DYTN: variants seen among roughly 807,000 people sequenced by gnomAD.
DYTN encodes dystrotelin.
In DYTN, 75 loss-of-function variants were observed where a neutral mutation model predicts 69.6. The ratio of observed to expected loss-of-function variants is 1.08; its 90% CI spans 0.89 to 1.31. The LOEUF is 1.31. DYTN is among the 50% of genes most tolerant of loss of function. The probability of loss-of-function intolerance (pLI) is 0.00; values close to 1 mark genes in which losing one functional copy is unlikely to be tolerated. For missense variants in DYTN, 726 were observed against 688.4 expected (o/e 1.05, Z -0.61); for synonymous variants, 252 against 249.1 (o/e 1.01, Z -0.11).
chr2:206,717,924 A>G (rs1424283352), intron 1 of DYTN, among the ~76,000 whole-genome samples: 2 of 147,258 alleles, frequency 1.4e-5, no homozygotes, highest in Non-Finnish European at 3.0e-5. Flanking sequence ...AATATATACG[A>G]TAATTTCATT....
chr2:206,712,498 A>AG (rs1047378577), intron 1 of DYTN, among the ~76,000 whole-genome samples: 9 of 152,338 alleles, frequency 5.9e-5, no homozygotes, highest in African/African-American at 2.2e-4. Flanking sequence ...AGAGAGCCAC[A>AG]GCTAGAACAA....
intron 9 of DYTN, among the ~76,000 whole-genome samples, chr2:206,680,030 C>T (rs752145139): frequency 1.4e-4 from 21 of 152,134 alleles, no homozygotes; most frequent in Non-Finnish European, 2.5e-4. Flanking sequence ...ATCAGAGTGC[C>T]AGCGTGGTCG....
At chr2:206,686,865 C>T (rs965399372) in intron 9 of DYTN, 1 of 152,332 alleles carries the variant, frequency 6.6e-6, no homozygotes, top group Non-Finnish European at 1.5e-5. Context: ...ATCTGGGGAG[C>T]AAGGCTCTCT....
intron 11 of DYTN, among the ~76,000 whole-genome samples, chr2:206,654,168 C>T (rs1185299290): frequency 1.3e-5 from 2 of 152,162 alleles, no homozygotes; most frequent in Non-Finnish European, 1.5e-5. Flanking sequence ...CCATTAATTA[C>T]TTCTGTGTAT....
At position 206,693,294 on chromosome 2, in the gene DYTN, GAGA is replaced by G; in HGVS notation, c.858_860del (p.Leu287del). 1.2e-6 allele frequency: 2 copies of G among 1,613,074 alleles called. No homozygotes were observed. The highest frequency in any genetic ancestry group is 1.7e-6 in the Non-Finnish European group (2 of 1,179,850). ...GAAGGTTGTTTCTGAGGGTCCTGAAGAGAAGTTTTGTATTCTGCATTGCTGACA... is the reference window on the plus strand; with the variant it reads ...GAAGGTTGTTTCTGAGGGTCCTGAAGAGTTTTGTATTCTGCATTGCTGACA... On this transcript the variant is annotated inframe_deletion, in exon 9 of 12. Transcript: ENST00000452335.
At chr2:206,668,495 A>G (rs13382730) in intron 9 of DYTN, among the ~76,000 whole-genome samples, 18,678 of 152,222 alleles carry the variant, frequency 0.12, 1,196 homozygotes, top group Non-Finnish European at 0.14. Flanking sequence ...ATAACAAACA[A>G]TTCAGGTTAT....
chr2:206,662,682 C>G (rs1304510800), intron 11 of DYTN, among the ~76,000 whole-genome samples: 1 of 151,234 alleles, frequency 6.6e-6, no homozygotes, highest in African/African-American at 2.4e-5. Context: ...AGGTTCTATA[C>G]TAAAGTCTTA....
At chr2:206,669,225 C>T (rs1699605663) in intron 9 of DYTN, among the ~76,000 whole-genome samples, 1 of 152,204 alleles carries the variant, frequency 6.6e-6, no homozygotes, top group African/African-American at 2.4e-5. Context: ...ACATATATCA[C>T]AGGTCTTTTT....
chr2:206,704,685 T>A (rs1379333220), intron 5 of DYTN, among the ~76,000 whole-genome samples, 158 bp downstream of exon 5: 1 of 152,214 alleles, frequency 6.6e-6, no homozygotes. Context: ...GAGTATAAGT[T>A]AAGTTATATT....
Position 206,651,650 on chromosome 2 carries a change from G to T in DYTN, c.*168C>A. ...TAACCCCCAACCTTCACTCTGAACT[G>T]CAGAACTAAGATACATAAGTAGGGA... On this transcript the variant is annotated 3_prime_UTR_variant, in exon 12 of 12. Coordinates refer to ENST00000452335, the MANE Select transcript of DYTN (RefSeq NM_001093730.1). 1.7e-6 allele frequency: 1 copy of T among 588,702 alleles called. No individual in the cohort carries two copies. Among genetic ancestry groups the T allele is most frequent in the South Asian group, 2.1e-5 (1 of 47,522 alleles). 36.5% of individuals were successfully genotyped at this position (588,702 alleles called of 1,614,324 possible).
chr2:206,705,123 T>G (rs1467673760), intron 4 of DYTN, 180 bp from the exon 5 acceptor site: 1 of 599,250 alleles, frequency 1.7e-6, no homozygotes, highest in Non-Finnish European at 2.9e-6. Flanking sequence ...TTAAATGAGG[T>G]TTTGTTCCTG....
Position 206,665,947 on chromosome 2 carries a change from C to G in DYTN, c.1063G>C (p.Glu355Gln). The G allele has an allele frequency of 6.2e-7, 1 of 1,613,878 alleles. No individual in the cohort carries two copies. Among genetic ancestry groups the G allele is most frequent in the Non-Finnish European group, 8.5e-7 (1 of 1,179,848 alleles). The change falls in exon 10 of 12, where the codon GAA becomes CAA. Residue 355 changes from glutamate (E) to glutamine (Q), a missense_variant. Physicochemically the swap from Glu to Gln is conservative, Grantham distance 29. Transcript: ENST00000452335. ...GTTTTGAGTTTGTGAATCCTTGTTTCAAATCGACAAATTCTTTCTTCCTGG... is the reference window on the plus strand; with the variant it reads ...GTTTTGAGTTTGTGAATCCTTGTTTGAAATCGACAAATTCTTTCTTCCTGG... ...TSQEERICRFETRIHKLKTNQ... is the reference protein window; with the variant it reads ...TSQEERICRFQTRIHKLKTNQ...
chr2:206,694,724 A>C, intron 8 of DYTN, 42 bp downstream of exon 8: 1 of 1,514,418 alleles, frequency 6.6e-7, no homozygotes, highest in South Asian at 1.3e-5. Flanking sequence ...GCTTATACTG[A>C]ATTGATTAAT....
At chr2:206,710,703 A>C (rs1700072172) in intron 1 of DYTN, 105 bp from the exon 2 acceptor site, 1 of 904,684 alleles carries the variant, frequency 1.1e-6, no homozygotes, top group Admixed American at 3.3e-5. Flanking sequence ...TTTATTTTGC[A>C]GGTGAGGAAA....
chr2:206,688,717 T>C (rs1699836580), intron 9 of DYTN, among the ~76,000 whole-genome samples: 1 of 152,220 alleles, frequency 6.6e-6, no homozygotes, highest in Non-Finnish European at 1.5e-5. Context: ...AGCAGGTACA[T>C]TCTTATGCTA....
chr2:206,707,462 G>A lies in DYTN; in HGVS notation c.136C>T (p.Arg46Cys), dbSNP rs144139666. 7.2e-4 allele frequency: 1,155 copies of A among 1,612,240 alleles called. 13 individuals are homozygous for A. In the African/African-American group the frequency reaches 0.013, roughly 18 times the overall value. The change falls in exon 3 of 12, where the codon CGT (arginine) becomes TGT (cysteine). Residue 46 changes from arginine (R) to cysteine (C), a missense_variant. By Grantham distance (180) the Arg-to-Cys change is radical. Coordinates refer to ENST00000452335, the MANE Select transcript of DYTN (RefSeq NM_001093730.1). ...TTGCGAGCTTCCCAGAAACTTGGAC[G>A]CAGTAGGACCTGCTGAATCAGGGAG... is the stretch of plus-strand genomic sequence containing the variant. ...DSSLIQQVLL[R>C]PSFWEARKHS...
intron 8 of DYTN, among the ~76,000 whole-genome samples, chr2:206,693,837 G>A (rs1699890383): frequency 6.6e-6 from 1 of 152,166 alleles, no homozygotes; most frequent in East Asian, 1.9e-4. Context: ...GAAATTTAAA[G>A]CGTAATAACA....
intron 1 of DYTN, among the ~76,000 whole-genome samples, chr2:206,717,499 T>C (rs1012212644): frequency 6.6e-6 from 1 of 152,230 alleles, no homozygotes; most frequent in Non-Finnish European, 1.5e-5. Flanking sequence ...TGATGCATGC[T>C]AATTTTGAGA....
chr2:206,663,020 C>T lies in DYTN; in HGVS notation c.1516G>A (p.Ala506Thr), dbSNP rs1191006853. Reference protein sequence around the residue: ...PAEMSSPALAAVEKKEAGNIK... With the variant: ...PAEMSSPALATVEKKEAGNIK... The stretch of plus-strand genomic sequence containing the variant: ...TTACCTGCCTCTTTCTTTTCCACGG[C>T]TGCCAGAGCAGGACTGCTCATTTCA... Residue 506 changes from alanine (A) to threonine (T), a missense_variant, in exon 11 of 12, where the codon GCC (alanine) becomes ACC (threonine). Transcript: ENST00000452335. 2.5e-6 allele frequency: 4 copies of T among 1,613,764 alleles called. No homozygotes were observed. In the African/African-American group the frequency reaches 4.0e-5, roughly 16 times the overall value.
Sources: gnomAD v4.1 joint callset for allele counts (sites outside exome capture counted in the v4.1 genomes callset) on GRCh38, gnomAD v4.1.1 for gene constraint, MANE v1.5 for transcripts, NCBI Gene and HGNC (gene_info 2026-07-23, HGNC 2026-07-21) for gene names.